The following RHOA variants were observed in gnomAD, a reference collection of about 807,000 sequenced individuals.
RHOA encodes the protein transforming protein RhoA.
A neutral mutation model predicts 17.5 loss-of-function variants in RHOA; 3 were observed. The ratio of observed to expected loss-of-function variants is 0.17; its 90% CI spans 0.08 to 0.44. The LOEUF is 0.44. RHOA is among the 20% of genes least tolerant of loss of function. The pLI, the probability that RHOA is intolerant of heterozygous loss-of-function variation, is 0.99. For synonymous variants in RHOA, 98 were observed against 88.4 expected, an observed-to-expected ratio of 1.11 and a Z score of -0.61; for missense variants, 56 against 242.3, an observed-to-expected ratio of 0.23 and a Z score of 5.10.
At chr3:49,370,962 A>G (rs2048138572) in intron 2 of RHOA, among the ~76,000 whole-genome samples, 2 of 152,036 alleles carry the variant, frequency 1.3e-5, no homozygotes, top group African/African-American at 4.8e-5. Flanking sequence ...TAACCTCCAC[A>G]AGGCCCACTG....
chr3:49,362,167 A>G (rs1211936600), intron 4 of RHOA, among the ~76,000 whole-genome samples: 1 of 152,216 alleles, frequency 6.6e-6, no homozygotes, highest in African/African-American at 2.4e-5. Flanking sequence ...AGCCTGGGTG[A>G]CAGAATGAGA....
chr3:49,361,771 C>T (rs1381191444), intron 4 of RHOA, among the ~76,000 whole-genome samples: 1 of 152,122 alleles, frequency 6.6e-6, no homozygotes, highest in Non-Finnish European at 1.5e-5. Context: ...ATCCCAGCAA[C>T]TTGGGAGGCT....
At chr3:49,394,918 G>C (rs181676309) in intron 1 of RHOA, among the ~76,000 whole-genome samples, 2 of 152,198 alleles carry the variant, frequency 1.3e-5, no homozygotes, top group South Asian at 4.2e-4. Context: ...CTAAGGTGAG[G>C]AAACAGCTTG....
Position 49,397,571 on chromosome 3 carries a change from T to C in RHOA, c.-3+14249A>G, listed in dbSNP as rs148036300. Among the ~76,000 whole-genome samples the C allele has an allele frequency of 1.3e-4, 20 of 152,266 alleles. No individual in the cohort carries two copies. In the East Asian group the frequency reaches 2.1e-3, roughly 16 times the overall value. ...GAGACTGCCTGCTTATCTGCCTCAATAGCTTTCCCCTTCATAGTCACATGG... is the reference window on the plus strand; with the variant it reads ...GAGACTGCCTGCTTATCTGCCTCAACAGCTTTCCCCTTCATAGTCACATGG... On this transcript the variant is annotated intron_variant, in intron 1 of 4. Coordinates refer to ENST00000418115, the MANE Select transcript of RHOA (RefSeq NM_001664.4).
At chr3:49,410,059 T>G (rs542622881) in intron 1 of RHOA, among the ~76,000 whole-genome samples, 3 of 151,958 alleles carry the variant, frequency 2.0e-5, no homozygotes, top group Non-Finnish European at 4.4e-5. Flanking sequence ...AAGGGGAGAG[T>G]GCTGTGTAAG....
intron 1 of RHOA, among the ~76,000 whole-genome samples, chr3:49,383,995 A>G (rs989072243): frequency 3.3e-5 from 5 of 152,350 alleles, no homozygotes; most frequent in Middle Eastern, 6.8e-3. Flanking sequence ...GCACTACTGC[A>G]TTACAGCCTG....
At chr3:49,367,345 A>AAAAAAAAAAAAAAAC (rs2048073907) in intron 3 of RHOA, among the ~76,000 whole-genome samples, 1 of 73,080 alleles carries the variant, frequency 1.4e-5, no homozygotes, top group Non-Finnish European at 3.3e-5. Context: ...TCCCTCTCAA[A>AAAAAAAAAAAAAAAC]AAAAAAAAAA....
intron 1 of RHOA, among the ~76,000 whole-genome samples, chr3:49,375,941 C>G (rs553651140): frequency 5.1e-4 from 77 of 152,170 alleles, no homozygotes; most frequent in African/African-American, 1.7e-3. Flanking sequence ...TCCAGCCTCC[C>G]GGGTTCAAGC....
intron 1 of RHOA, among the ~76,000 whole-genome samples, chr3:49,404,758 G>A (rs796909698): frequency 4.8e-5 from 7 of 144,838 alleles, no homozygotes; most frequent in Non-Finnish European, 7.5e-5. Context: ...GTTAAACCCC[G>A]TCTCTACTAA....
At chr3:49,370,889 A>T (rs970261385) in intron 2 of RHOA, among the ~76,000 whole-genome samples, 1 of 152,012 alleles carries the variant, frequency 6.6e-6, no homozygotes, top group Admixed American at 6.6e-5. Context: ...TTTCTAAATG[A>T]TTTCTTCCTT....
chr3:49,381,730 T>C (rs1364113591), intron 1 of RHOA, among the ~76,000 whole-genome samples: 1 of 151,476 alleles, frequency 6.6e-6, no homozygotes, highest in Non-Finnish European at 1.5e-5. Flanking sequence ...CCGGGCATGG[T>C]GGTCCGCACC....
At chr3:49,410,636 A>G (rs2048916700) in intron 1 of RHOA, among the ~76,000 whole-genome samples, 1 of 152,222 alleles carries the variant, frequency 6.6e-6, no homozygotes, top group Non-Finnish European at 1.5e-5. Flanking sequence ...TATCTCCGCC[A>G]ATCTAGCCAC....
chr3:49,383,279 G>A (rs1261939850), intron 1 of RHOA, among the ~76,000 whole-genome samples: 2 of 151,748 alleles, frequency 1.3e-5, no homozygotes, highest in Non-Finnish European at 2.9e-5. Flanking sequence ...AATTAGCCGG[G>A]CATGGTGGCA....
At chr3:49,376,022 A>G (rs1045156062) in intron 1 of RHOA, among the ~76,000 whole-genome samples, 1 of 151,430 alleles carries the variant, frequency 6.6e-6, no homozygotes, top group African/African-American at 2.4e-5. Context: ...CTAATTTTTG[A>G]TAGAGATGGG....
At chr3:49,406,999 C>G (rs1001495070) in intron 1 of RHOA, among the ~76,000 whole-genome samples, 1 of 151,302 alleles carries the variant, frequency 6.6e-6, no homozygotes, top group African/African-American at 2.4e-5. Context: ...AAAAATTAGT[C>G]GGGCATGGTC....
intron 1 of RHOA, among the ~76,000 whole-genome samples, chr3:49,391,823 C>CT (rs59591685): frequency 0.057 from 5,643 of 99,642 alleles, 545 homozygotes; most frequent in African/African-American, 0.19. Flanking sequence ...ATTAATTTAT[C>CT]TTTTTTTTTT....
chr3:49,392,513 T>C (rs894531773), intron 1 of RHOA, among the ~76,000 whole-genome samples: 1 of 152,114 alleles, frequency 6.6e-6, no homozygotes, highest in East Asian at 1.9e-4. Context: ...TAAGTAAAAA[T>C]TTTAAAGTAT....
chr3:49,405,722 C>T (rs149358121), intron 1 of RHOA, among the ~76,000 whole-genome samples: 38 of 152,214 alleles, frequency 2.5e-4, no homozygotes, highest in Non-Finnish European at 4.1e-4. Flanking sequence ...CGGAGTTTCG[C>T]TCTGTTGCCC....
At chr3:49,401,041 C>CAAA (rs57354041) in intron 1 of RHOA, among the ~76,000 whole-genome samples, 13 of 67,584 alleles carry the variant, frequency 1.9e-4, no homozygotes, top group Non-Finnish European at 2.9e-4. Context: ...GACTCCGTCT[C>CAAA]AAAAAAAAAA....
Sources: gnomAD v4.1 joint callset for allele counts (sites outside exome capture counted in the v4.1 genomes callset) on GRCh38, gnomAD v4.1.1 for gene constraint, MANE v1.5 for transcripts, NCBI Gene and HGNC (gene_info 2026-07-23, HGNC 2026-07-21) for gene names.